Variants in GRM7 observed in about 807,000 individuals in gnomAD.
The protein encoded by GRM7 is metabotropic glutamate receptor 7.
GRM7 carries 35 observed loss-of-function variants against 84.5 expected under a neutral mutation model. That is an observed-to-expected ratio of 0.41 (90% confidence interval 0.32 to 0.55). The LOEUF (loss-of-function observed/expected upper bound fraction) is 0.55, where lower values mean the gene tolerates loss of function less well. GRM7 is among the 20% of genes least tolerant of loss of function. The pLI, the probability that GRM7 is intolerant of heterozygous loss-of-function variation, is 0.19. For synonymous variants in GRM7, 487 were observed against 455.1 expected, an observed-to-expected ratio of 1.07 and a Z score of -0.89; for missense variants, 1,003 against 1,194.6, an observed-to-expected ratio of 0.84 and a Z score of 2.36.
intron 1 of GRM7, among the ~76,000 whole-genome samples, chr3:7,110,591 T>TCACACACACACA (rs370212342): frequency 5.7e-4 from 82 of 143,750 alleles, no homozygotes; most frequent in East Asian, 1.7e-3. Flanking sequence ...CGATACTCTG[T>TCACACACACACA]CACACACACA....
At chr3:7,193,695 T>C (rs1695790585) in intron 2 of GRM7, among the ~76,000 whole-genome samples, 1 of 152,128 alleles carries the variant, frequency 6.6e-6, no homozygotes, top group African/African-American at 2.4e-5. Context: ...CCTCCCTTTT[T>C]CTGTCTTTCA....
chr3:7,547,194 C>CTTTTTTT lies in GRM7; in HGVS notation c.1516-31204_1516-31198dup, dbSNP rs55678792. On this transcript the variant is annotated intron_variant, in intron 7 of 9. Transcript: ENST00000357716. ...CAGCACAGCCCCCAGAGAGTGAATT[C>CTTTTTTT]TTTTTTTTTTTTTTTTTTTTTTTTT... Among the ~76,000 whole-genome samples the CTTTTTTT allele has an allele frequency of 5.4e-4, 41 of 76,424 alleles. 3 individuals carry two copies. Among genetic ancestry groups the CTTTTTTT allele is most frequent in the African/African-American group, 2.1e-3 (36 of 17,424 alleles). 50.1% of individuals were successfully genotyped at this position (76,424 alleles called of 152,430 possible).
At chr3:7,608,634 T>C (rs1471360464) in intron 8 of GRM7, among the ~76,000 whole-genome samples, 2 of 152,146 alleles carry the variant, frequency 1.3e-5, no homozygotes, top group Non-Finnish European at 2.9e-5. Flanking sequence ...ACATTCATGG[T>C]TTGCAAATAT....
chr3:7,177,701 A>G (rs2125094059), intron 2 of GRM7, among the ~76,000 whole-genome samples: 1 of 152,240 alleles, frequency 6.6e-6, no homozygotes, highest in African/African-American at 2.4e-5. Context: ...TTTGTTTTTA[A>G]ATATCGAGAA....
intron 7 of GRM7, among the ~76,000 whole-genome samples, chr3:7,553,444 C>T (rs1407058501): frequency 2.0e-5 from 3 of 152,188 alleles, no homozygotes; most frequent in Admixed American, 2.0e-4. Flanking sequence ...TATAGCAGCA[C>T]CCCATTCCTG....
chr3:7,398,025 AT>A (rs1472692140), intron 4 of GRM7, among the ~76,000 whole-genome samples: 3 of 152,160 alleles, frequency 2.0e-5, no homozygotes, highest in Non-Finnish European at 4.4e-5. Context: ...AAAACTTATA[AT>A]TTTAGTAAAA....
At chr3:7,653,271 A>G (rs1699040477) in intron 8 of GRM7, among the ~76,000 whole-genome samples, 1 of 148,734 alleles carries the variant, frequency 6.7e-6, no homozygotes, top group South Asian at 2.1e-4. Flanking sequence ...CACTCAATAA[A>G]TGGCATCATT....
intron 1 of GRM7, among the ~76,000 whole-genome samples, chr3:7,039,098 C>G (rs985453382): frequency 1.3e-5 from 2 of 152,158 alleles, no homozygotes; most frequent in African/African-American, 4.8e-5. Flanking sequence ...CCTACTACCT[C>G]ATGTTTAAAA....
intron 1 of GRM7, among the ~76,000 whole-genome samples, chr3:7,144,589 T>C (rs1465687839): frequency 6.6e-6 from 1 of 152,158 alleles, no homozygotes; most frequent in Non-Finnish European, 1.5e-5. Flanking sequence ...TTTTCGATGA[T>C]TATTACTCCC....
rs890278528 is a variant in GRM7, at chr3:7,396,497, T to A, written c.1034-18526T>A. Among the ~76,000 whole-genome samples the A allele has an allele frequency of 8.5e-5, 13 of 152,290 alleles. No homozygotes were observed. The East Asian group carries it at 2.3e-3, about 27-fold the overall frequency. ...ATCTTCTGCATCTTAAATTAACATATGTTGGAAACATTCTGATTTGCCCAT... is the reference window on the plus strand; with the variant it reads ...ATCTTCTGCATCTTAAATTAACATAAGTTGGAAACATTCTGATTTGCCCAT... On this transcript the variant is annotated intron_variant, in intron 4 of 9. Transcript: ENST00000357716.
At chr3:7,642,085 G>C (rs1253666279) in intron 8 of GRM7, among the ~76,000 whole-genome samples, 1 of 152,088 alleles carries the variant, frequency 6.6e-6, no homozygotes, top group Non-Finnish European at 1.5e-5. Flanking sequence ...ACCACATCTA[G>C]TGAACTGTTA....
chr3:7,315,849 C>T (rs114306239), intron 4 of GRM7, among the ~76,000 whole-genome samples: 1,704 of 152,190 alleles, frequency 0.011, 22 homozygotes, highest in Non-Finnish European at 0.014. Flanking sequence ...ACTTGCTTTT[C>T]AATATTTCTG....
chr3:7,049,464 T>C (rs921160418), intron 1 of GRM7, among the ~76,000 whole-genome samples: 5 of 151,934 alleles, frequency 3.3e-5, no homozygotes, highest in Non-Finnish European at 7.4e-5. Flanking sequence ...AGCCTACCCC[T>C]ATGAATCAAT....
intron 8 of GRM7, chr3:7,607,057 G>C (rs1696611349): frequency 6.6e-6 from 1 of 152,088 alleles, no homozygotes; most frequent in African/African-American, 2.4e-5. Context: ...TCCAGATTCA[G>C]GCATTATAAA....
In GRM7 at chr3:7,659,977, A is replaced by G. The variant is rs1347449379; in HGVS notation, c.2452-20072A>G. On this transcript the variant is annotated intron_variant, in intron 8 of 9. Coordinates refer to ENST00000357716, the MANE Select transcript of GRM7 (RefSeq NM_000844.4). Reference sequence around the variant, plus strand: ...GAGTGAGGGTTAGGGAAGTAGTAGCATCTGCTTTCTAATCTACAGAGAAAA... The same window carrying G: ...GAGTGAGGGTTAGGGAAGTAGTAGCGTCTGCTTTCTAATCTACAGAGAAAA... Among the ~76,000 whole-genome samples, 4 of 152,322 alleles carry G rather than the reference A, an allele frequency of 2.6e-5. No homozygotes were observed. In the East Asian group the frequency reaches 7.7e-4, roughly 29 times the overall value.
chr3:7,372,250 T>C (rs1246332403), intron 4 of GRM7, among the ~76,000 whole-genome samples: 5 of 152,192 alleles, frequency 3.3e-5, no homozygotes, highest in Admixed American at 1.3e-4. Context: ...GTTTTAGATG[T>C]TAGCAAAACA....
intron 2 of GRM7, among the ~76,000 whole-genome samples, chr3:7,205,058 G>T (rs1516303): frequency 0.43 from 65,696 of 152,048 alleles, 18,175 homozygotes; most frequent in African/African-American, 0.8. Context: ...GAATGACTGT[G>T]CTGTACATTG....
chr3:7,503,638 G>A (rs1483602261), intron 7 of GRM7, among the ~76,000 whole-genome samples: 1 of 152,026 alleles, frequency 6.6e-6, no homozygotes, highest in African/African-American at 2.4e-5. Context: ...GTGCTAATGT[G>A]GTGTATGATA....
chr3:7,111,483 A>G (rs1184526732), intron 1 of GRM7, among the ~76,000 whole-genome samples: 2 of 152,140 alleles, frequency 1.3e-5, no homozygotes, highest in East Asian at 1.9e-4. Context: ...AATTATAAAG[A>G]GGCAGGAGAA....
Sources: gnomAD v4.1 joint callset for allele counts (sites outside exome capture counted in the v4.1 genomes callset) on GRCh38, gnomAD v4.1.1 for gene constraint, MANE v1.5 for transcripts, NCBI Gene and HGNC (gene_info 2026-07-23, HGNC 2026-07-21) for gene names.